Variants in TMEM232 observed in about 807,000 individuals in gnomAD.
The protein encoded by TMEM232 is transmembrane protein 232.
Under a neutral mutation model 78.8 loss-of-function variants are expected in TMEM232, and 80 were observed. That is an observed-to-expected ratio of 1.01 (90% confidence interval 0.85 to 1.22). The LOEUF (loss-of-function observed/expected upper bound fraction) is 1.22, where lower values mean the gene tolerates loss of function less well. Among genes scored for constraint, TMEM232 ranks in the 50% most tolerant of loss-of-function variants. The pLI is 0.00. For missense variants in TMEM232, 881 were observed against 742.2 expected (o/e 1.19, Z -2.17); for synonymous variants, 297 against 254.3 (o/e 1.17, Z -1.60).
chr5:110,433,485 T>A (rs1051199580), intron 12 of TMEM232, among the ~76,000 whole-genome samples: 15 of 151,688 alleles, frequency 9.9e-5, no homozygotes, highest in African/African-American at 3.6e-4. Context: ...AACAGGAAAG[T>A]TTATATTGCT....
chr5:110,585,840 C>T (rs1010470906), intron 10 of TMEM232, among the ~76,000 whole-genome samples: 30 of 152,044 alleles, frequency 2.0e-4, no homozygotes, highest in African/African-American at 6.3e-4. Context: ...AGTTCCAGGC[C>T]CTTCTCACCC....
At chr5:110,486,158 T>C (rs1264552297) in intron 12 of TMEM232, among the ~76,000 whole-genome samples, 1 of 152,080 alleles carries the variant, frequency 6.6e-6, no homozygotes, top group Non-Finnish European at 1.5e-5. Flanking sequence ...AGCCCACTTT[T>C]TAACGGGAGG....
chr5:110,402,112 T>C (rs1755623422), intron 2 of TMEM232, among the ~76,000 whole-genome samples: 1 of 152,126 alleles, frequency 6.6e-6, no homozygotes, highest in Admixed American at 6.6e-5. Context: ...ATTATAATTC[T>C]TAATGAAAGT....
intron 8 of TMEM232, among the ~76,000 whole-genome samples, chr5:110,614,056 T>C (rs966830955): frequency 6.6e-6 from 1 of 152,028 alleles, no homozygotes; most frequent in Admixed American, 6.6e-5. Flanking sequence ...AAAAAGTAAC[T>C]ATATAAAACA....
chr5:110,733,805 A>G (rs1229856676), intron 2 of TMEM232, among the ~76,000 whole-genome samples: 1 of 152,244 alleles, frequency 6.6e-6, no homozygotes, highest in Non-Finnish European at 1.5e-5. Context: ...GCTACATAAT[A>G]AACCTGCACA....
intron 2 of TMEM232, chr5:110,666,610 T>C (rs144168740): frequency 4.7e-4 from 72 of 152,236 alleles, no homozygotes; most frequent in African/African-American, 1.7e-3. Flanking sequence ...GCATATTATG[T>C]TTATATGAAT....
At chr5:110,507,520 T>C (rs755285246) in intron 12 of TMEM232, among the ~76,000 whole-genome samples, 13 of 152,266 alleles carry the variant, frequency 8.5e-5, no homozygotes, top group South Asian at 2.1e-4. Flanking sequence ...CAGAAGCAAA[T>C]ATGCAGAATA....
intron 12 of TMEM232, among the ~76,000 whole-genome samples, chr5:110,500,578 T>C (rs1192191678): frequency 6.6e-6 from 1 of 151,852 alleles, no homozygotes; most frequent in Non-Finnish European, 1.5e-5. Context: ...TATGAGGAAA[T>C]GAATAAGTTT....
At chr5:110,597,967 T>A (rs941716103) in intron 10 of TMEM232, among the ~76,000 whole-genome samples, 1 of 152,042 alleles carries the variant, frequency 6.6e-6, no homozygotes, top group Non-Finnish European at 1.5e-5. Context: ...GGACTTCATG[T>A]CTAAAACACC....
chr5:110,623,609 G>C (rs1369935220), intron 7 of TMEM232, among the ~76,000 whole-genome samples: 1 of 152,086 alleles, frequency 6.6e-6, no homozygotes, highest in Non-Finnish European at 1.5e-5. Context: ...GGAAAAGCTA[G>C]CTGTACTGGA....
intron 1 of TMEM232, among the ~76,000 whole-genome samples, chr5:110,674,450 T>G (rs78323297): frequency 6.6e-5 from 10 of 152,358 alleles, no homozygotes; most frequent in Non-Finnish European, 1.0e-4. Flanking sequence ...ATTAGTCTTT[T>G]ACGTATTGAG....
intron 12 of TMEM232, among the ~76,000 whole-genome samples, chr5:110,425,596 C>T (rs746586782): frequency 6.6e-5 from 10 of 151,950 alleles, no homozygotes; most frequent in Non-Finnish European, 1.3e-4. Context: ...TGGTTTCTGC[C>T]TTTCCCATTC....
At chr5:110,431,983 T>A (rs1464656273) in intron 12 of TMEM232, among the ~76,000 whole-genome samples, 1 of 151,734 alleles carries the variant, frequency 6.6e-6, no homozygotes, top group Non-Finnish European at 1.5e-5. Flanking sequence ...GGTAGCTTTA[T>A]AAAATGGAAA....
intron 3 of TMEM232, among the ~76,000 whole-genome samples, chr5:110,391,326 T>TGTGTGTGTGTGAGAGA (rs549361387): frequency 9.3e-5 from 13 of 139,922 alleles, no homozygotes; most frequent in African/African-American, 3.8e-4. Flanking sequence ...TGTGTGTGTG[T>TGTGTGTGTGTGAGAGA]GAGAGAGAGA....
At chr5:110,586,399 TAA>T in intron 10 of TMEM232, among the ~76,000 whole-genome samples, 1 of 152,240 alleles carries the variant, frequency 6.6e-6, no homozygotes. Context: ...TTAAAAGTTT[TAA>T]TTTATGAGAA....
chr5:110,683,277 C>A (rs1305082744), intron 1 of TMEM232, among the ~76,000 whole-genome samples: 8 of 151,922 alleles, frequency 5.3e-5, no homozygotes, highest in Non-Finnish European at 1.2e-4. Flanking sequence ...GATTTATTAA[C>A]CTTTGTGCAT....
At chr5:110,695,114 A>C (rs1218599982) in intron 1 of TMEM232, among the ~76,000 whole-genome samples, 1 of 152,256 alleles carries the variant, frequency 6.6e-6, no homozygotes, top group Non-Finnish European at 1.5e-5. Flanking sequence ...CTCAGACCAC[A>C]GTGCAATCAA....
intron 2 of TMEM232, among the ~76,000 whole-genome samples, chr5:110,398,940 C>T (rs910844077): frequency 1.3e-5 from 2 of 152,076 alleles, no homozygotes; most frequent in African/African-American, 4.8e-5. Context: ...GCAGAAGTAG[C>T]AGCATCTTTG....
rs1470798439 is a variant in TMEM232 at position 110,676,492 on chromosome 5, G to A, written c.-12-9128C>T. On this transcript the variant is annotated intron_variant, in intron 1 of 13. Transcript: ENST00000455884. The stretch of plus-strand genomic sequence containing the variant: ...GGGCTCACTGCAATCTGCAACTTCC[G>A]CCTCCTGGGCTTAAGCGATCCTCCC... 2.0e-5 allele frequency among the ~76,000 whole-genome samples: 3 copies of A among 150,950 alleles called. 1 individual carries two copies. The highest frequency in any genetic ancestry group is 2.0e-4 in the East Asian group (1 of 5,088).
Sources: allele counts gnomAD v4.1 joint callset (sites outside exome capture counted in the v4.1 genomes callset), GRCh38; gene constraint gnomAD v4.1.1; transcripts MANE v1.5; gene names NCBI Gene and HGNC (gene_info 2026-07-23, HGNC 2026-07-21).